PAK1: variants seen among roughly 807,000 people sequenced by gnomAD.
The protein encoded by PAK1 is serine/threonine-protein kinase PAK 1.
PAK1 carries 29 observed loss-of-function variants against 67.4 expected under a neutral mutation model. That is an observed-to-expected ratio of 0.43 (90% CI 0.32 to 0.59). PAK1 has a LOEUF of 0.59. Ranked by LOEUF, PAK1 falls within the 20% of genes least tolerant of loss-of-function variation. The probability of loss-of-function intolerance (pLI) is 0.07; values close to 1 mark genes in which losing one functional copy is unlikely to be tolerated. For synonymous variants in PAK1, 223 were observed against 237.4 expected (o/e 0.94, Z 0.56); for missense variants, 337 against 670.7 (o/e 0.50, Z 5.50).
At chr11:77,497,320 A>T in the PAK1 span, among the ~76,000 whole-genome samples, 8 of 152,196 alleles carry the variant, frequency 5.3e-5, no homozygotes, top group Non-Finnish European at 1.0e-4. Context: ...TGAAATAATA[A>T]TTTTTACATT....
At chr11:77,432,266 A>G (rs1167482690) in intron 1 of PAK1, among the ~76,000 whole-genome samples, 1 of 151,104 alleles carries the variant, frequency 6.6e-6, no homozygotes, top group African/African-American at 2.5e-5. Flanking sequence ...AAAATACTCA[A>G]GAAATGAGGA....
chr11:77,386,604 T>A (rs1046078904), intron 2 of PAK1, among the ~76,000 whole-genome samples: 6 of 152,096 alleles, frequency 3.9e-5, no homozygotes, highest in Admixed American at 1.3e-4. Flanking sequence ...CAGCATTAGG[T>A]AATGCCCAAA....
At chr11:77,335,327 C>T (rs914435750) in intron 13 of PAK1, among the ~76,000 whole-genome samples, 1 of 152,218 alleles carries the variant, frequency 6.6e-6, no homozygotes, top group African/African-American at 2.4e-5. Context: ...AAGCCAAACT[C>T]TACTCCAGCT....
chr11:77,464,012 T>C (rs1320664773), intron 1 of PAK1, among the ~76,000 whole-genome samples: 1 of 152,260 alleles, frequency 6.6e-6, no homozygotes, highest in Non-Finnish European at 1.5e-5. Flanking sequence ...ATATTCAAAA[T>C]ATTAACAATT....
intron 14 of PAK1, among the ~76,000 whole-genome samples, chr11:77,332,370 A>G (rs1197947182): frequency 0.044 from 6 of 136 alleles, no homozygotes; most frequent in Non-Finnish European, 0.094. Flanking sequence ...AAGGGAAAGG[A>G]AGGGAAGGGA....
intron 1 of PAK1, among the ~76,000 whole-genome samples, chr11:77,467,294 G>A (rs1435824277): frequency 6.6e-6 from 1 of 152,122 alleles, no homozygotes; most frequent in Non-Finnish European, 1.5e-5. Context: ...GTGTTCACAT[G>A]GCACTTGCAC....
At chr11:77,414,779 A>T (rs1954856638) in intron 1 of PAK1, among the ~76,000 whole-genome samples, 1 of 152,238 alleles carries the variant, frequency 6.6e-6, no homozygotes, top group Admixed American at 6.5e-5. Flanking sequence ...GCAAAATGCA[A>T]AACTATAAAA....
At chr11:77,457,802 T>G (rs1234050698) in intron 1 of PAK1, among the ~76,000 whole-genome samples, 2 of 152,194 alleles carry the variant, frequency 1.3e-5, no homozygotes, top group African/African-American at 4.8e-5. Flanking sequence ...AGGCAGGAGC[T>G]GGGAAAAGGA....
the PAK1 span, among the ~76,000 whole-genome samples, chr11:77,496,255 G>A: frequency 6.6e-6 from 1 of 151,890 alleles, no homozygotes; most frequent in African/African-American, 2.4e-5. Flanking sequence ...TTGACTTCAT[G>A]ATCCACCCGC....
chr11:77,375,002 T>C lies in PAK1; in HGVS notation c.440-637A>G, dbSNP rs1481120471. The stretch of plus-strand genomic sequence containing the variant: ...GAAGGCCTAAGTAGGACATTACCAG[T>C]GTACACTTAGGCTATGCTAAATTTA... On this transcript the variant is annotated intron_variant, in intron 4 of 14. Coordinates refer to ENST00000356341, the MANE Select transcript of PAK1 (RefSeq NM_002576.5). 5.3e-5 allele frequency among the ~76,000 whole-genome samples: 8 copies of C among 152,186 alleles called. 1 individual carries two copies. The highest frequency in any genetic ancestry group is 4.6e-4 in the Admixed American group (7 of 15,262).
chr11:77,448,206 C>T (rs935000561), intron 1 of PAK1, among the ~76,000 whole-genome samples: 4 of 152,110 alleles, frequency 2.6e-5, no homozygotes, highest in Admixed American at 6.5e-5. Flanking sequence ...ATGGGAGACT[C>T]ATATGGGAAA....
At chr11:77,469,586 C>T (rs534790389) in intron 1 of PAK1, among the ~76,000 whole-genome samples, 10 of 151,986 alleles carry the variant, frequency 6.6e-5, no homozygotes, top group Non-Finnish European at 1.5e-4. Context: ...CATGCAGTAA[C>T]ATAGACACTA....
the PAK1 span, among the ~76,000 whole-genome samples, chr11:77,499,010 C>T: frequency 1.1e-4 from 16 of 151,680 alleles, no homozygotes; most frequent in Non-Finnish European, 2.1e-4. Flanking sequence ...AATTTTATTC[C>T]CTCTTCAAAC....
In PAK1 at chr11:77,336,287, A is replaced by G. The variant is rs768747783; in HGVS notation, c.1217-5T>C. The G allele has an allele frequency of 1.1e-5, 17 of 1,595,608 alleles. No individual in the cohort carries two copies. In the Admixed American group the frequency reaches 2.5e-4, roughly 24 times the overall value. Reference sequence around the variant, plus strand: ...GTGCACAGAATCCAAAGTCAGCTAGAAAAGAAAAATAAGAGAAAGAACATA... The same window carrying G: ...GTGCACAGAATCCAAAGTCAGCTAGGAAAGAAAAATAAGAGAAAGAACATA... On this transcript the variant is annotated splice_polypyrimidine_tract_variant and splice_region_variant and intron_variant, in intron 12 of 14. Coordinates refer to ENST00000356341, the MANE Select transcript of PAK1 (RefSeq NM_002576.5).
intron 1 of PAK1, among the ~76,000 whole-genome samples, chr11:77,441,157 G>C (rs1194910028): frequency 1.3e-5 from 2 of 151,970 alleles, no homozygotes; most frequent in Non-Finnish European, 2.9e-5. Context: ...TTAGAGACAG[G>C]AGATGCAGCC....
chr11:77,376,663 G>A (rs1949125480), intron 4 of PAK1, among the ~76,000 whole-genome samples: 1 of 151,308 alleles, frequency 6.6e-6, no homozygotes, highest in Non-Finnish European at 1.5e-5. Flanking sequence ...CATGAACCCA[G>A]GAGGCAGATG....
intron 1 of PAK1, among the ~76,000 whole-genome samples, chr11:77,459,358 T>C (rs2135466317): frequency 6.6e-6 from 1 of 152,118 alleles, no homozygotes; most frequent in South Asian, 2.1e-4. Flanking sequence ...GAAGAGATGA[T>C]TACAGTCTAA....
chr11:77,453,281 G>A (rs759232250), intron 1 of PAK1, among the ~76,000 whole-genome samples: 36 of 152,256 alleles, frequency 2.4e-4, no homozygotes, highest in Non-Finnish European at 4.3e-4. Context: ...TTGAACCCAG[G>A]CAGCAGAGGT....
chr11:77,513,596 G>A, the PAK1 span, among the ~76,000 whole-genome samples: 7 of 147,032 alleles, frequency 4.8e-5, no homozygotes, highest in African/African-American at 1.0e-4. Flanking sequence ...ACTTGAGCCC[G>A]GGAGGTGGAA....
Sources: gnomAD v4.1 joint callset for allele counts (sites outside exome capture counted in the v4.1 genomes callset) on GRCh38, gnomAD v4.1.1 for gene constraint, MANE v1.5 for transcripts, NCBI Gene and HGNC (gene_info 2026-07-23, HGNC 2026-07-21) for gene names.